KLF12: variants seen among roughly 807,000 people sequenced by gnomAD.
KLF12 encodes KLF transcription factor 12, also known as Krueppel-like factor 12.
KLF12 carries 9 observed loss-of-function variants against 37.8 expected under a neutral mutation model. The ratio of observed to expected loss-of-function variants is 0.24; its 90% CI spans 0.14 to 0.42. The LOEUF is 0.42. Ranked by LOEUF, KLF12 falls within the 10% of genes least tolerant of loss-of-function variation. KLF12 has a pLI of 1.00. For missense variants in KLF12, 411 were observed against 516.0 expected, an observed-to-expected ratio of 0.80 and a Z score of 1.97; for synonymous variants, 208 against 202.1, an observed-to-expected ratio of 1.03 and a Z score of -0.25.
chr13:73,697,921 G>A (rs938772766), intron 7 of KLF12, among the ~76,000 whole-genome samples: 1 of 152,260 alleles, frequency 6.6e-6, no homozygotes, highest in East Asian at 1.9e-4. Context: ...GGGAGGCCGA[G>A]GTGGGAGAAT....
chr13:73,910,766 A>G (rs907245795), intron 3 of KLF12, among the ~76,000 whole-genome samples: 2 of 152,196 alleles, frequency 1.3e-5, no homozygotes, highest in Admixed American at 6.5e-5. Flanking sequence ...TTAATGCCCA[A>G]TGTGGCTGTA....
At chr13:73,875,112 A>T (rs1009798226) in intron 3 of KLF12, among the ~76,000 whole-genome samples, 1 of 151,706 alleles carries the variant, frequency 6.6e-6, no homozygotes, top group East Asian at 1.9e-4. Context: ...AATTAGGAAG[A>T]TCACTCGCCA....
At chr13:74,286,646 AG>A in the KLF12 span, among the ~76,000 whole-genome samples, 2 of 152,356 alleles carry the variant, frequency 1.3e-5, no homozygotes, top group South Asian at 4.1e-4. Context: ...TCACGTTTAC[AG>A]GGACTCCTAG....
At chr13:74,112,621 C>A (rs1877048890) in intron 1 of KLF12, among the ~76,000 whole-genome samples, 1 of 152,028 alleles carries the variant, frequency 6.6e-6, no homozygotes, top group South Asian at 2.1e-4. Flanking sequence ...CAACACAAAC[C>A]CTGACCTTCT....
chr13:74,176,520 G>A, the KLF12 span, among the ~76,000 whole-genome samples: 6 of 152,116 alleles, frequency 3.9e-5, no homozygotes, highest in Admixed American at 2.0e-4. Context: ...TTCAGTGGGT[G>A]TTTTCTTCCC....
chr13:74,184,696 T>C, the KLF12 span, among the ~76,000 whole-genome samples: 5 of 152,212 alleles, frequency 3.3e-5, 1 homozygote, highest in Non-Finnish European at 7.4e-5. Flanking sequence ...GTAGGCTATA[T>C]GGGTTGCATT....
chr13:74,086,058 G>T (rs1221879610), intron 1 of KLF12, among the ~76,000 whole-genome samples: 1 of 7,872 alleles, frequency 1.3e-4, no homozygotes, highest in Non-Finnish European at 2.2e-4. Context: ...TTTAAAAGTG[G>T]TTTAAACTTT....
chr13:74,040,890 T>C (rs1893383474), intron 1 of KLF12, among the ~76,000 whole-genome samples: 1 of 152,202 alleles, frequency 6.6e-6, no homozygotes, highest in South Asian at 2.1e-4. Flanking sequence ...CTTGACATCA[T>C]CTTTGACCCC....
intron 2 of KLF12, among the ~76,000 whole-genome samples, chr13:73,959,576 A>G (rs1479347489): frequency 6.6e-6 from 1 of 151,394 alleles, no homozygotes; most frequent in Non-Finnish European, 1.5e-5. Context: ...TAAGTGACTT[A>G]CATAGCAGTT....
chr13:73,826,779 C>A (rs1182931910), intron 4 of KLF12, among the ~76,000 whole-genome samples: 1 of 151,846 alleles, frequency 6.6e-6, no homozygotes, highest in Non-Finnish European at 1.5e-5. Context: ...CACACACACA[C>A]ACACACATAT....
At chr13:73,763,835 GAAGGATGCCCCGGCTCTGAGGCAAGGTGT>G (rs1234509436) in intron 6 of KLF12, among the ~76,000 whole-genome samples, 16 of 152,122 alleles carry the variant, frequency 1.1e-4, no homozygotes, top group African/African-American at 3.4e-4. Flanking sequence ...AAGAGACGAG[GAAGGATGCCCCGGCTCTGAGGCAAGGTGT>G]AAGCAAACGC....
chr13:73,876,751 A>G (rs1395047990), intron 3 of KLF12, among the ~76,000 whole-genome samples: 2 of 152,154 alleles, frequency 1.3e-5, no homozygotes, highest in African/African-American at 4.8e-5. Context: ...GCGGTGGCTT[A>G]TGCCTGCAAT....
At chr13:74,232,521 C>A in the KLF12 span, among the ~76,000 whole-genome samples, 2 of 152,068 alleles carry the variant, frequency 1.3e-5, no homozygotes, top group African/African-American at 4.8e-5. Context: ...TGCTCTCACA[C>A]CTCTAAATAA....
At chr13:73,838,645 G>GT (rs1426992948) in intron 4 of KLF12, among the ~76,000 whole-genome samples, 1 of 150,274 alleles carries the variant, frequency 6.7e-6, no homozygotes, top group Non-Finnish European at 1.5e-5. Context: ...TAATAAATAT[G>GT]TTTTGCTAAA....
chr13:74,283,708 GATA>G, the KLF12 span, among the ~76,000 whole-genome samples: 1 of 152,098 alleles, frequency 6.6e-6, no homozygotes, highest in African/African-American at 2.4e-5. Flanking sequence ...TTAAAATGAG[GATA>G]ATGATACTCA....
chr13:73,701,533 T>C (rs1225472930), intron 7 of KLF12, among the ~76,000 whole-genome samples: 2 of 152,252 alleles, frequency 1.3e-5, no homozygotes, highest in African/African-American at 4.8e-5. Flanking sequence ...TTGACTTTAC[T>C]TTGATTTGAT....
the KLF12 span, among the ~76,000 whole-genome samples, chr13:74,181,623 C>A: frequency 6.7e-6 from 1 of 149,886 alleles, no homozygotes; most frequent in Non-Finnish European, 1.5e-5. Flanking sequence ...CGCTTGAACC[C>A]AGGAGGCAGA....
intron 6 of KLF12, among the ~76,000 whole-genome samples, chr13:73,760,816 A>G (rs1428759773): frequency 1.3e-5 from 2 of 152,170 alleles, no homozygotes; most frequent in East Asian, 1.9e-4. Context: ...TTAAAAATGG[A>G]GCAGGATAGA....
chr13:73,975,053 C>T (rs902091667), intron 2 of KLF12, among the ~76,000 whole-genome samples: 4 of 152,106 alleles, frequency 2.6e-5, no homozygotes, highest in African/African-American at 4.8e-5. Context: ...TATCACTGTA[C>T]GTTCCTATTT....
Sources: gnomAD v4.1 joint callset for allele counts (sites outside exome capture counted in the v4.1 genomes callset) on GRCh38, gnomAD v4.1.1 for gene constraint, MANE v1.5 for transcripts, NCBI Gene and HGNC (gene_info 2026-07-23, HGNC 2026-07-21) for gene names.